Variants in EFCAB11 observed in about 807,000 individuals in gnomAD.
EFCAB11 encodes the protein EF-hand calcium binding domain 11.
A neutral mutation model predicts 23.0 loss-of-function variants in EFCAB11; 14 were observed. That is an observed-to-expected ratio of 0.61 (90% CI 0.40 to 0.95). The LOEUF is 0.95. Ranked by LOEUF, EFCAB11 falls within the 40% of genes least tolerant of loss-of-function variation. EFCAB11 has a pLI of 0.00. For missense variants in EFCAB11, 198 were observed against 195.8 expected (o/e 1.01, Z -0.07); for synonymous variants, 65 against 66.6 (o/e 0.98, Z 0.11).
At chr14:89,846,148 A>AGCATG (rs1887424737) in intron 5 of EFCAB11, among the ~76,000 whole-genome samples, 3 of 152,242 alleles carry the variant, frequency 2.0e-5, no homozygotes, top group Non-Finnish European at 4.4e-5. Context: ...TGCTTAGCGC[A>AGCATG]GTGGCTAGCA....
chr14:89,805,136 T>G (rs892007106), intron 5 of EFCAB11, among the ~76,000 whole-genome samples: 1 of 152,236 alleles, frequency 6.6e-6, no homozygotes, highest in Non-Finnish European at 1.5e-5. Flanking sequence ...AGTGGCCTCA[T>G]TAGCACTCGG....
chr14:89,915,993 T>C (rs144284103), intron 5 of EFCAB11, among the ~76,000 whole-genome samples: 19 of 152,228 alleles, frequency 1.2e-4, no homozygotes, highest in Admixed American at 8.5e-4. Flanking sequence ...TCCTGTTTAA[T>C]TGAGCCACAC....
intron 2 of EFCAB11, 38 bp from the exon 3 acceptor site, chr14:89,950,180 A>G (rs992335680): frequency 6.5e-7 from 1 of 1,529,634 alleles, no homozygotes; most frequent in South Asian, 1.2e-5. Context: ...ATGTAATTTT[A>G]TCACGTTTTC....
At chr14:89,836,610 T>TTGA (rs1325216594) in intron 5 of EFCAB11, 1 of 456,704 alleles carries the variant, frequency 2.2e-6, no homozygotes, top group East Asian at 6.9e-5. Context: ...CTCCAGGAAA[T>TTGA]TGATGAATCC....
In EFCAB11 at chr14:89,914,700, G is replaced by A. The variant is rs151179534; in HGVS notation, c.410+16841C>T. 9.8e-3 allele frequency among the ~76,000 whole-genome samples: 1,490 copies of A among 152,038 alleles called. 26 individuals carry two copies. Among genetic ancestry groups the A allele is most frequent in the African/African-American group, 0.034 (1,399 of 41,456 alleles). ...CTTGGGAAGCTTAGGTATGAGAATC[G>A]CTTGAATCTGGGAGGTGGAGGTTGC... On this transcript the variant is annotated intron_variant, in intron 5 of 5. Coordinates refer to ENST00000316738, the MANE Select transcript of EFCAB11 (RefSeq NM_145231.4).
chr14:89,836,327 C>A (rs952309348), intron 5 of EFCAB11: 38 of 298,122 alleles, frequency 1.3e-4, no homozygotes, highest in Middle Eastern at 1.2e-3. Context: ...GGAGATATGT[C>A]CATCCAAAGC....
chr14:89,954,207 A>C, intron 1 of EFCAB11: 1 of 988,158 alleles, frequency 1.0e-6, no homozygotes, highest in Non-Finnish European at 1.5e-6. Flanking sequence ...ATTTCCCTCA[A>C]AGTGCAAACG....
intron 5 of EFCAB11, among the ~76,000 whole-genome samples, chr14:89,899,207 G>C (rs1365797472): frequency 6.6e-6 from 1 of 152,114 alleles, no homozygotes; most frequent in African/African-American, 2.4e-5. Flanking sequence ...CAACTATACT[G>C]AGGCTAAAAA....
In EFCAB11 at chr14:89,797,134, T is replaced by G; in HGVS notation, c.*109A>C. The G allele has an allele frequency of 9.5e-7, 1 of 1,057,892 alleles. No individual in the cohort carries two copies. The highest frequency in any genetic ancestry group is 1.3e-6 in the Non-Finnish European group (1 of 743,004). 65.5% of individuals were successfully genotyped at this position (1,057,892 alleles called of 1,614,324 possible). A position where few individuals can be genotyped will look rare whatever the true frequency, so the allele number is the denominator to read the frequency against. ...TATGTACCCACAAAAATTAAAAATT[T>G]TTAAATGTTTAATCACAAGTCTGTA... is the stretch of plus-strand genomic sequence containing the variant. On this transcript the variant is annotated 3_prime_UTR_variant, in exon 6 of 6. Transcript: ENST00000316738.
chr14:89,810,699 T>C (rs1313317026), intron 5 of EFCAB11, among the ~76,000 whole-genome samples: 4 of 145,910 alleles, frequency 2.7e-5, no homozygotes, highest in Non-Finnish European at 5.9e-5. Flanking sequence ...AAGGTTGCAG[T>C]GAGCTGAGAT....
intron 5 of EFCAB11, among the ~76,000 whole-genome samples, chr14:89,800,667 G>A (rs1340015141): frequency 1.3e-5 from 2 of 152,328 alleles, no homozygotes; most frequent in East Asian, 3.9e-4. Flanking sequence ...TAGGCCCAAT[G>A]AAATTAAAGG....
intron 5 of EFCAB11, among the ~76,000 whole-genome samples, chr14:89,803,242 C>A (rs1885846277): frequency 6.6e-6 from 1 of 152,194 alleles, no homozygotes; most frequent in Non-Finnish European, 1.5e-5. Context: ...GCTTTAAAGA[C>A]TTTTTCTTTA....
chr14:89,840,274 GA>G (rs1887217772), intron 5 of EFCAB11, among the ~76,000 whole-genome samples: 1 of 152,180 alleles, frequency 6.6e-6, no homozygotes, highest in Non-Finnish European at 1.5e-5. Context: ...TTGGAATCTA[GA>G]AGTATTTTAT....
intron 5 of EFCAB11, among the ~76,000 whole-genome samples, chr14:89,814,682 C>A (rs2150305): frequency 0.42 from 63,040 of 150,380 alleles, 16,952 homozygotes; most frequent in Non-Finnish European, 0.61. Flanking sequence ...CCAGCCTGGG[C>A]AACAAGAGCG....
intron 5 of EFCAB11, among the ~76,000 whole-genome samples, chr14:89,904,947 AC>A (rs1889450724): frequency 6.6e-6 from 1 of 151,634 alleles, no homozygotes. Flanking sequence ...CACCTAGACC[AC>A]CCCTCAGGTT....
intron 5 of EFCAB11, among the ~76,000 whole-genome samples, chr14:89,822,643 G>A (rs1465975422): frequency 6.6e-6 from 1 of 152,186 alleles, no homozygotes; most frequent in Non-Finnish European, 1.5e-5. Flanking sequence ...GACACACAGA[G>A]TGTGAGAATC....
chr14:89,924,013 G>A (rs898783546), intron 5 of EFCAB11: 11 of 985,164 alleles, frequency 1.1e-5, no homozygotes, highest in Non-Finnish European at 1.3e-5. Context: ...TACCCAAGCT[G>A]GTGACAGTCC....
At chr14:89,931,313 C>T in intron 5 of EFCAB11, 1 of 502,250 alleles carries the variant, frequency 2.0e-6, no homozygotes, top group Non-Finnish European at 3.5e-6. Context: ...CTTGTATGCA[C>T]CTGCCTGGTG....
At chr14:89,917,053 CGTGTGTGTGTGT>C (rs71107570) in intron 5 of EFCAB11, among the ~76,000 whole-genome samples, 5,145 of 136,704 alleles carry the variant, frequency 0.038, 212 homozygotes, top group East Asian at 0.21. Context: ...TGACATGCTT[CGTGTGTGTGTGT>C]GTGTGTGTGT....
Sources: gnomAD v4.1 joint callset for allele counts (sites outside exome capture counted in the v4.1 genomes callset) on GRCh38, gnomAD v4.1.1 for gene constraint, MANE v1.5 for transcripts, NCBI Gene and HGNC (gene_info 2026-07-23, HGNC 2026-07-21) for gene names.